BRINP3: variants seen among roughly 807,000 people sequenced by gnomAD.
BRINP3 encodes the protein BMP/retinoic acid-inducible neural-specific protein 3.
A neutral mutation model predicts 71.0 loss-of-function variants in BRINP3; 19 were observed. The ratio of observed to expected loss-of-function variants is 0.27; its 90% confidence interval spans 0.19 to 0.39. BRINP3 has a LOEUF of 0.39. Among genes scored for constraint, BRINP3 ranks in the 10% least tolerant of loss-of-function variants. The pLI is 1.00. For synonymous variants in BRINP3, 380 were observed against 337.7 expected, an observed-to-expected ratio of 1.13 and a Z score of -1.37; for missense variants, 959 against 940.8, an observed-to-expected ratio of 1.02 and a Z score of -0.25.
At chr1:190,449,440 TC>T (rs1462766469) in intron 2 of BRINP3, among the ~76,000 whole-genome samples, 1 of 152,088 alleles carries the variant, frequency 6.6e-6, no homozygotes, top group Non-Finnish European at 1.5e-5. Flanking sequence ...GATATTTATT[TC>T]TTTCGTTTAG....
intron 7 of BRINP3, among the ~76,000 whole-genome samples, chr1:190,114,027 C>T (rs1221945807): frequency 6.6e-6 from 1 of 152,094 alleles, no homozygotes; most frequent in Non-Finnish European, 1.5e-5. Context: ...TTTGCACCCA[C>T]CCAAATCTCA....
At chr1:190,405,027 G>A (rs984308460) in intron 2 of BRINP3, among the ~76,000 whole-genome samples, 2 of 151,548 alleles carry the variant, frequency 1.3e-5, no homozygotes, top group African/African-American at 4.8e-5. Flanking sequence ...GAACCAAAAA[G>A]AAAGCGACTG....
At chr1:190,206,516 G>A (rs1286433991) in intron 6 of BRINP3, among the ~76,000 whole-genome samples, 3 of 151,918 alleles carry the variant, frequency 2.0e-5, no homozygotes, top group Non-Finnish European at 1.5e-5. Context: ...AAAAAAGAGG[G>A]ACTCTTACTA....
At chr1:190,181,201 C>A (rs1653002096) in intron 6 of BRINP3, among the ~76,000 whole-genome samples, 1 of 152,038 alleles carries the variant, frequency 6.6e-6, no homozygotes, top group African/African-American at 2.4e-5. Context: ...TATCATAATG[C>A]CCTCACGATA....
intron 7 of BRINP3, among the ~76,000 whole-genome samples, chr1:190,134,264 A>T (rs751665237): frequency 6.6e-6 from 1 of 152,090 alleles, no homozygotes; most frequent in Non-Finnish European, 1.5e-5. Flanking sequence ...AAAGATGTAC[A>T]AAAGGATATG....
At chr1:190,221,058 A>T (rs1656844132) in intron 6 of BRINP3, among the ~76,000 whole-genome samples, 1 of 152,162 alleles carries the variant, frequency 6.6e-6, no homozygotes, top group Admixed American at 6.6e-5. Flanking sequence ...TCTCTACTAC[A>T]AACACAAAAA....
intron 7 of BRINP3, among the ~76,000 whole-genome samples, chr1:190,159,990 T>C (rs1316689603): frequency 6.6e-6 from 1 of 152,064 alleles, no homozygotes; most frequent in Non-Finnish European, 1.5e-5. Context: ...GATATACTGA[T>C]ACAAATATAT....
At chr1:190,205,026 A>G (rs1177175172) in intron 6 of BRINP3, among the ~76,000 whole-genome samples, 1 of 151,468 alleles carries the variant, frequency 6.6e-6, no homozygotes, top group Non-Finnish European at 1.5e-5. Context: ...CGATGTATGT[A>G]ACTTCTGAGC....
chr1:190,219,497 G>A (rs1237105444), intron 6 of BRINP3, among the ~76,000 whole-genome samples: 1 of 151,982 alleles, frequency 6.6e-6, no homozygotes, highest in South Asian at 2.1e-4. Context: ...CAGTAGAATG[G>A]ACCAAGCAGA....
intron 4 of BRINP3, among the ~76,000 whole-genome samples, chr1:190,249,155 A>G (rs887901199): frequency 6.6e-6 from 1 of 151,804 alleles, no homozygotes; most frequent in African/African-American, 2.4e-5. Flanking sequence ...AGAGAAAACC[A>G]TGCCACACAG....
intron 7 of BRINP3, among the ~76,000 whole-genome samples, chr1:190,140,047 T>G (rs1157356212): frequency 1.3e-5 from 2 of 152,174 alleles, no homozygotes; most frequent in African/African-American, 4.8e-5. Flanking sequence ...TAAGAAAAAT[T>G]TTCAAGAAAG....
At chr1:190,270,187 CA>C (rs1337665427) in intron 3 of BRINP3, among the ~76,000 whole-genome samples, 2 of 151,438 alleles carry the variant, frequency 1.3e-5, no homozygotes, top group Admixed American at 6.6e-5. Context: ...AAGGATTAAC[CA>C]AAAGTATTTA....
At chr1:190,131,051 T>C (rs1360607268) in intron 7 of BRINP3, among the ~76,000 whole-genome samples, 2 of 151,678 alleles carry the variant, frequency 1.3e-5, no homozygotes, top group African/African-American at 4.8e-5. Flanking sequence ...TCATTGTGAG[T>C]CTATTTGTTC....
intron 2 of BRINP3, among the ~76,000 whole-genome samples, chr1:190,407,992 T>C (rs1672396535): frequency 6.6e-6 from 1 of 150,896 alleles, no homozygotes; most frequent in Admixed American, 6.6e-5. Flanking sequence ...TTTTCTACAT[T>C]TGATGTACTT....
chr1:190,403,830 G>A (rs138093828), intron 2 of BRINP3, among the ~76,000 whole-genome samples: 46 of 152,194 alleles, frequency 3.0e-4, no homozygotes, highest in Middle Eastern at 6.8e-3. Context: ...CACTGATTTC[G>A]AATAACTTTT....
chr1:190,166,433 T>C (rs559944426), intron 6 of BRINP3, among the ~76,000 whole-genome samples: 4 of 152,180 alleles, frequency 2.6e-5, no homozygotes, highest in Non-Finnish European at 5.9e-5. Flanking sequence ...CATTCATCTG[T>C]TTGAGAAATT....
At chr1:190,274,931 T>C (rs991842116) in intron 3 of BRINP3, among the ~76,000 whole-genome samples, 3 of 151,792 alleles carry the variant, frequency 2.0e-5, no homozygotes, top group Non-Finnish European at 4.4e-5. Flanking sequence ...TTAACACCAA[T>C]TGGCATCTGC....
chr1:190,401,694 T>A (rs542927950), intron 2 of BRINP3, among the ~76,000 whole-genome samples: 1 of 152,110 alleles, frequency 6.6e-6, no homozygotes, highest in Non-Finnish European at 1.5e-5. Flanking sequence ...CCTATTTAAG[T>A]GAAGATTTCT....
intron 7 of BRINP3, among the ~76,000 whole-genome samples, chr1:190,152,724 A>T (rs1214652644): frequency 6.6e-6 from 1 of 152,012 alleles, no homozygotes; most frequent in African/African-American, 2.4e-5. Flanking sequence ...CATCCGTGAG[A>T]AAAAGATGAA....
Sources: allele counts gnomAD v4.1 joint callset (sites outside exome capture counted in the v4.1 genomes callset), GRCh38; gene constraint gnomAD v4.1.1; transcripts MANE v1.5; gene names NCBI Gene and HGNC (gene_info 2026-07-23, HGNC 2026-07-21).